COG2: variants seen among roughly 807,000 people sequenced by gnomAD.
COG2 encodes conserved oligomeric Golgi complex subunit 2.
In COG2, 52 loss-of-function variants were observed where a neutral mutation model predicts 90.6. The observed-to-expected ratio is 0.57, with a 90% CI of 0.46 to 0.72. COG2 has a LOEUF of 0.72. Among genes scored for constraint, COG2 ranks in the 30% least tolerant of loss-of-function variants. The pLI, the probability that COG2 is intolerant of heterozygous loss-of-function variation, is 0.00. For missense variants in COG2, 829 were observed against 891.2 expected (o/e 0.93, Z 0.89); for synonymous variants, 337 against 320.4 (o/e 1.05, Z -0.55).
intron 10 of COG2, chr1:230,682,663 C>T (rs1662779519): frequency 6.6e-6 from 1 of 152,096 alleles, no homozygotes; most frequent in Non-Finnish European, 1.5e-5. Flanking sequence ...AGTCTGTGAA[C>T]CGCTTTGTAA....
In COG2 at chr1:230,678,959, G is replaced by A; in HGVS notation, c.1073G>A (p.Cys358Tyr). 6.2e-7 allele frequency: 1 copy of A among 1,613,616 alleles called. No individual in the cohort carries two copies. ...MDFVRRLERQ[C>Y]GSQASVKRLR... ...TTTGTCAGAAGATTGGAACGGCAGT[G>A]TGGATCACAGGCTAGTGTAAAGAGA... is the stretch of plus-strand genomic sequence containing the variant. The change falls in exon 10 of 18, where the codon TGT becomes TAT. Residue 358 changes from cysteine (C) to tyrosine (Y), a missense_variant. Coordinates refer to ENST00000366669, the MANE Select transcript of COG2 (RefSeq NM_007357.3).
At chr1:230,649,561 T>A (rs1553308929) in intron 1 of COG2, among the ~76,000 whole-genome samples, 3 of 152,182 alleles carry the variant, frequency 2.0e-5, no homozygotes, top group Non-Finnish European at 2.9e-5. Context: ...ATTCATAATG[T>A]TTGTTTACAT....
chr1:230,671,511 A>G lies in COG2; in HGVS notation c.775-5A>G, dbSNP rs1238793008. 1.9e-6 allele frequency: 3 copies of G among 1,602,664 alleles called. No homozygotes were observed. In the East Asian group the frequency reaches 6.7e-5, roughly 36 times the overall value. On this transcript the variant is annotated splice_polypyrimidine_tract_variant and splice_region_variant and intron_variant, in intron 7 of 17. Coordinates refer to ENST00000366669, the MANE Select transcript of COG2 (RefSeq NM_007357.3). ...TTTTTTAAAAAATGATTTTTCTTTT[A>G]ATAGGTGATTATAGAGCAGTTTGTT...
Position 230,668,752 on chromosome 1 carries a change from A to G in COG2, c.562A>G (p.Lys188Glu). 1.9e-6 allele frequency: 3 copies of G among 1,611,854 alleles called. No homozygotes were observed. Among genetic ancestry groups the G allele is most frequent in the Non-Finnish European group, 2.5e-6 (3 of 1,178,746 alleles). ...GTTACAGTTTCATGCTGTTCAAAGC[A>G]AAGGCATGCCTCTTTTGGACAAAGT... Reference protein sequence around the residue: ...NQLQFHAVQSKGMPLLDKVRP... With the variant: ...NQLQFHAVQSEGMPLLDKVRP... Residue 188 changes from lysine (K) to glutamate (E), a missense_variant, in exon 6 of 18, where the codon AAA (lysine) becomes GAA (glutamate). Coordinates refer to ENST00000366669, the MANE Select transcript of COG2 (RefSeq NM_007357.3).
chr1:230,681,029 A>G (rs1662732828), intron 10 of COG2: 1 of 152,236 alleles, frequency 6.6e-6, no homozygotes, highest in African/African-American at 2.4e-5. Context: ...CCTTCAGGAA[A>G]AAGGCCACCT....
intron 5 of COG2, among the ~76,000 whole-genome samples, chr1:230,668,449 T>A (rs901815356): frequency 6.7e-6 from 1 of 150,212 alleles, no homozygotes; most frequent in African/African-American, 2.5e-5. Context: ...CTCAACAGAT[T>A]CCCCGGTGCA....
chr1:230,658,684 G>A lies in COG2; in HGVS notation c.73-780G>A, dbSNP rs140754407. Among the ~76,000 whole-genome samples the A allele has an allele frequency of 6.7e-4, 102 of 152,278 alleles. 1 individual carries two copies. The Middle Eastern group carries it at 0.01, about 15-fold the overall frequency. On this transcript the variant is annotated intron_variant, in intron 1 of 17. Transcript: ENST00000366669. ...CCTTCCCCCAGGTGCTCTGTCCCAC[G>A]GGGATGGGGGTTTTATCTATAAGAC...
chr1:230,667,299 A>G (rs1366487368), intron 5 of COG2, among the ~76,000 whole-genome samples: 3 of 152,124 alleles, frequency 2.0e-5, no homozygotes, highest in Non-Finnish European at 2.9e-5. Flanking sequence ...TATATTCAGT[A>G]TGTTATATTC....
At chr1:230,647,815 T>C (rs1480627278) in intron 1 of COG2, among the ~76,000 whole-genome samples, 2 of 151,874 alleles carry the variant, frequency 1.3e-5, no homozygotes, top group Non-Finnish European at 2.9e-5. Flanking sequence ...TACTGTATTT[T>C]TATTTGCATT....
rs571520131 is a variant in COG2 at position 230,655,082 on chromosome 1, C to A, written c.73-4382C>A. ...CTTCCTCTCTTCCTATTTGAATACCCTTTATTTCTTTCTCTTGCCTGATTG... is the reference window on the plus strand; with the variant it reads ...CTTCCTCTCTTCCTATTTGAATACCATTTATTTCTTTCTCTTGCCTGATTG... On this transcript the variant is annotated intron_variant, in intron 1 of 17. Transcript: ENST00000366669. Among the ~76,000 whole-genome samples the A allele has an allele frequency of 1.1e-4, 17 of 152,248 alleles. No homozygotes were observed. The South Asian group carries it at 3.5e-3, about 32-fold the overall frequency.
chr1:230,688,653 C>G, intron 15 of COG2, 91 bp downstream of exon 15: 2 of 1,414,086 alleles, frequency 1.4e-6, no homozygotes, highest in South Asian at 1.2e-5. Context: ...GGCGGATTCC[C>G]AGGGTAGCCT....
intron 5 of COG2, among the ~76,000 whole-genome samples, chr1:230,665,092 A>ATTACCTTCCCACACTGAATTTAAAATC (rs1292203870): frequency 2.0e-5 from 3 of 152,228 alleles, no homozygotes; most frequent in Admixed American, 2.0e-4. Flanking sequence ...GTAGTGTCTT[A>ATTACCTTCCCACACTGAATTTAAAATC]TTACCTTCCC....
At chr1:230,673,015 T>G (rs1662492076) in intron 8 of COG2, among the ~76,000 whole-genome samples, 1 of 152,218 alleles carries the variant, frequency 6.6e-6, no homozygotes, top group African/African-American at 2.4e-5. Context: ...CTCTGTTTCC[T>G]CTGTACCACC....
chr1:230,652,935 A>G (rs1168370555), intron 1 of COG2, among the ~76,000 whole-genome samples: 2 of 152,234 alleles, frequency 1.3e-5, no homozygotes, highest in Non-Finnish European at 2.9e-5. Context: ...ATGTGTATAC[A>G]TTGTGAAATA....
chr1:230,684,938 G>T (rs1241913004), intron 11 of COG2, 147 bp from the exon 12 acceptor site: 2 of 857,334 alleles, frequency 2.3e-6, no homozygotes, highest in South Asian at 1.7e-5. Context: ...TCATCCCTGT[G>T]CCTCCAACAG....
Position 230,692,515 on chromosome 1 carries a change from C to CA in COG2, c.2116-770dup, listed in dbSNP as rs369332430. 7.6e-3 allele frequency among the ~76,000 whole-genome samples: 1,147 copies of CA among 151,554 alleles called. 10 individuals carry two copies. The highest frequency in any genetic ancestry group is 0.024 in the African/African-American group (987 of 41,278). ...TCAACTGCCATGTTTCTTTATTTGG[C>CA]AAAAAAACCCAAAGACTTTTTACAA... On this transcript the variant is annotated intron_variant, in intron 17 of 17. Transcript: ENST00000366669.
Position 230,688,432 on chromosome 1 carries a change from A to C in COG2, c.1664A>C (p.Asp555Ala). ...NFSSISAALEDSQSSFSACVP... is the reference protein window; with the variant it reads ...NFSSISAALEASQSSFSACVP... Reference sequence around the variant, plus strand: ...TTAATCTCAACAGCAGCCCTGGAGGACTCCCAGAGCTCTTTTTCAGCCTGT... The same window carrying C: ...TTAATCTCAACAGCAGCCCTGGAGGCCTCCCAGAGCTCTTTTTCAGCCTGT... Residue 555 changes from aspartate (D) to alanine (A), a missense_variant, in exon 15 of 18, where the codon GAC (aspartate) becomes GCC (alanine). Transcript: ENST00000366669. The C allele has an allele frequency of 6.2e-7, 1 of 1,613,734 alleles. No homozygotes were observed. Among genetic ancestry groups the C allele is most frequent in the Non-Finnish European group, 8.5e-7 (1 of 1,179,904 alleles).
chr1:230,642,900 G>T, intron 1 of COG2: 2 of 544,826 alleles, frequency 3.7e-6, no homozygotes, highest in Non-Finnish European at 3.2e-6. Flanking sequence ...ACATGGAAAG[G>T]CCTGAAAGTT....
chr1:230,687,904 G>GT, intron 13 of COG2, 167 bp from the exon 14 acceptor site: 1 of 567,790 alleles, frequency 1.8e-6, no homozygotes, highest in Non-Finnish European at 3.1e-6. Context: ...TCTTTTTATA[G>GT]TAAAAGCATT....
Sources: allele counts gnomAD v4.1 joint callset (sites outside exome capture counted in the v4.1 genomes callset), GRCh38; gene constraint gnomAD v4.1.1; transcripts MANE v1.5; gene names NCBI Gene and HGNC (gene_info 2026-07-23, HGNC 2026-07-21).